STON2: variants seen among roughly 807,000 people sequenced by gnomAD.
STON2 encodes stonin 2, also known as stonin-2.
A neutral mutation model predicts 65.7 loss-of-function variants in STON2; 29 were observed. The ratio of observed to expected loss-of-function variants is 0.44; its 90% CI spans 0.33 to 0.60. STON2 has a LOEUF of 0.60. Among genes scored for constraint, STON2 ranks in the 20% least tolerant of loss-of-function variants. The pLI is 0.03. For synonymous variants in STON2, 404 were observed against 414.2 expected (o/e 0.98, Z 0.30); for missense variants, 1,054 against 1,118.1 (o/e 0.94, Z 0.82).
At chr14:81,340,882 T>C (rs1040886923) in intron 4 of STON2, among the ~76,000 whole-genome samples, 5 of 151,470 alleles carry the variant, frequency 3.3e-5, no homozygotes, top group African/African-American at 9.7e-5. Context: ...TATAGATTAT[T>C]ACATAACATC....
chr14:81,429,115 C>A (rs76895526), intron 1 of STON2, among the ~76,000 whole-genome samples: 44 of 152,206 alleles, frequency 2.9e-4, no homozygotes, highest in Admixed American at 2.9e-3. Flanking sequence ...AACAAGGACC[C>A]TTTGGGGTCA....
upstream of STON2, among the ~76,000 whole-genome samples, chr14:81,404,437 GTTCCT>G (rs368206438): frequency 1.7e-3 from 259 of 152,252 alleles, 1 homozygote; most frequent in African/African-American, 5.8e-3. Context: ...AATTTCACCA[GTTCCT>G]TTCAACTTTT....
intron 2 of STON2, among the ~76,000 whole-genome samples, chr14:81,423,092 A>T (rs1478746601): frequency 2.0e-4 from 31 of 152,116 alleles, no homozygotes; most frequent in Admixed American, 2.0e-3. Context: ...AAGTGAAACT[A>T]TCTTCATCTT....
At chr14:81,283,240 G>A (rs540617220) in intron 5 of STON2, among the ~76,000 whole-genome samples, 1 of 152,274 alleles carries the variant, frequency 6.6e-6, no homozygotes, top group Admixed American at 6.5e-5. Flanking sequence ...ATTAAATAAA[G>A]TGATTTCAGT....
chr14:81,296,080 T>A (rs1174433052), intron 5 of STON2, among the ~76,000 whole-genome samples: 1 of 152,188 alleles, frequency 6.6e-6, no homozygotes, highest in Non-Finnish European at 1.5e-5. Flanking sequence ...TAGGACAATA[T>A]TCAAAACAGG....
chr14:81,327,010 T>C (rs1897025795), intron 4 of STON2, among the ~76,000 whole-genome samples: 1 of 152,036 alleles, frequency 6.6e-6, no homozygotes, highest in Non-Finnish European at 1.5e-5. Context: ...ATACAAAAAT[T>C]AGCCAGGCGT....
intron 4 of STON2, among the ~76,000 whole-genome samples, chr14:81,337,365 G>C (rs1430959462): frequency 6.6e-6 from 1 of 152,204 alleles, no homozygotes; most frequent in Non-Finnish European, 1.5e-5. Flanking sequence ...CTATGTGCCA[G>C]GCACCGGTGA....
intron 5 of STON2, among the ~76,000 whole-genome samples, chr14:81,305,489 T>C (rs1896137098): frequency 6.6e-6 from 1 of 152,250 alleles, no homozygotes; most frequent in African/African-American, 2.4e-5. Context: ...ATATGTTTAT[T>C]GGCCATTTGG....
chr14:81,329,487 T>C (rs1170830811), intron 4 of STON2, among the ~76,000 whole-genome samples: 3 of 147,244 alleles, frequency 2.0e-5, no homozygotes, highest in Admixed American at 6.8e-5. Flanking sequence ...GAGACAAAGA[T>C]ACAGGGGAAA....
intron 5 of STON2, among the ~76,000 whole-genome samples, chr14:81,293,065 T>A (rs145370511): frequency 6.6e-6 from 1 of 152,296 alleles, no homozygotes; most frequent in Non-Finnish European, 1.5e-5. Flanking sequence ...AGTGAGGTTC[T>A]TTTTGGAAAT....
chr14:81,313,810 TACACAC>T (rs10527861), intron 5 of STON2, among the ~76,000 whole-genome samples: 16,203 of 139,732 alleles, frequency 0.12, 1,036 homozygotes, highest in African/African-American at 0.18. Context: ...AAAAAAAAAA[TACACAC>T]ACACACACAC....
chr14:81,313,036 C>T (rs2140219314), intron 5 of STON2, among the ~76,000 whole-genome samples: 1 of 152,354 alleles, frequency 6.6e-6, no homozygotes, highest in Non-Finnish European at 1.5e-5. Flanking sequence ...TCCTTGTACT[C>T]CTCCCTTCCT....
intron 5 of STON2, among the ~76,000 whole-genome samples, chr14:81,307,583 A>G (rs904645021): frequency 1.3e-5 from 2 of 152,214 alleles, no homozygotes; most frequent in Non-Finnish European, 2.9e-5. Context: ...TTAATAGTCT[A>G]CTGTTGACAC....
Position 81,262,365 on chromosome 14 carries a change from C to T in STON2, c.*6049G>A. 1 of 985,430 alleles carries T rather than the reference C, an allele frequency of 1.0e-6. No individual in the cohort carries two copies. The highest frequency in any genetic ancestry group is 1.2e-6 in the Non-Finnish European group (1 of 829,916). The allele number at this position is 985,430 out of a possible 1,614,324, so 61.0% of individuals were successfully genotyped here. A position where few individuals can be genotyped will look rare whatever the true frequency, so the allele number is the denominator to read the frequency against. Reference sequence around the variant, plus strand: ...TTAGGGAAGCTGGCTGCTAACACAGCACCTGACCAGAGTAGACATTTGATA... The same window carrying T: ...TTAGGGAAGCTGGCTGCTAACACAGTACCTGACCAGAGTAGACATTTGATA... On this transcript the variant is annotated 3_prime_UTR_variant, in exon 8 of 8. Transcript: ENST00000614646.
intron 5 of STON2, among the ~76,000 whole-genome samples, chr14:81,305,589 T>C (rs1403115933): frequency 6.6e-6 from 1 of 152,220 alleles, no homozygotes; most frequent in Non-Finnish European, 1.5e-5. Context: ...TTTTTTTATA[T>C]ATTCAGGATT....
rs1316033650 is a variant in STON2 at position 81,265,452 on chromosome 14, C to T, written c.*2962G>A. 4 of 607,608 alleles carry T rather than the reference C, an allele frequency of 6.6e-6. No individual in the cohort carries two copies. Among genetic ancestry groups the T allele is most frequent in the Non-Finnish European group, 4.1e-6 (2 of 485,220 alleles). 37.6% of individuals were successfully genotyped at this position (607,608 alleles called of 1,614,324 possible). On this transcript the variant is annotated 3_prime_UTR_variant, in exon 8 of 8. Transcript: ENST00000614646. ...GGCTTATCACCTGAGGTCAGACATT[C>T]GAGACCAGCCTGGCCAACATGGTGA...
At chr14:81,275,694 T>C (rs914170324) in intron 6 of STON2, among the ~76,000 whole-genome samples, 1 of 152,164 alleles carries the variant, frequency 6.6e-6, no homozygotes, top group Non-Finnish European at 1.5e-5. Flanking sequence ...GAGATCCAAT[T>C]GTCTCTTCAG....
Position 81,277,938 on chromosome 14 carries a change from T to C in STON2, c.1544A>G (p.Tyr515Cys), listed in dbSNP as rs747225592. 6 of 1,614,042 alleles carry C rather than the reference T, an allele frequency of 3.7e-6. No homozygotes were observed. In the East Asian group the frequency reaches 1.3e-4, roughly 36 times the overall value. ...PIFVKLTDTG[Y>C]LQLYYEQGLE... is the part of the protein sequence containing the mutation. The stretch of plus-strand genomic sequence containing the variant: ...GCCCTGCTCATAATACAGCTGCAGG[T>C]AACCAGTGTCTGTCAGTTTGACGAA... The change falls in exon 6 of 8, where the codon TAC becomes TGC. Residue 515 changes from tyrosine to cysteine, a missense_variant. Physicochemically the swap from Tyr to Cys is radical, Grantham distance 194 (BLOSUM62 -2). Transcript: ENST00000614646.
Position 81,277,451 on chromosome 14 carries a change from G to C in STON2, c.2031C>G (p.Val677=). 1.9e-6 allele frequency: 3 copies of C among 1,614,170 alleles called. No individual in the cohort carries two copies. Among genetic ancestry groups the C allele is most frequent in the Non-Finnish European group, 2.5e-6 (3 of 1,180,032 alleles). The change falls in exon 6 of 8, where the codon GTC becomes GTG. Residue 677 remains valine, a synonymous_variant. Transcript: ENST00000614646. ...ECRLGLNDIL[V]KGNEIVLRQD... is the part of the protein sequence containing the mutation. ...GCCTCAAAACTATTTCATTCCCTTT[G>C]ACGAGGATGTCATTGAGGCCCAGGC...
Sources: gnomAD v4.1 joint callset for allele counts (sites outside exome capture counted in the v4.1 genomes callset) on GRCh38, gnomAD v4.1.1 for gene constraint, MANE v1.5 for transcripts, NCBI Gene and HGNC (gene_info 2026-07-23, HGNC 2026-07-21) for gene names.